The following PDE4B variants were observed in gnomAD, a reference collection of about 807,000 sequenced individuals.
PDE4B encodes the protein phosphodiesterase 4B.
PDE4B carries 20 observed loss-of-function variants against 82.2 expected under a neutral mutation model. The observed-to-expected ratio is 0.24, with a 90% CI of 0.17 to 0.35. The LOEUF is 0.35. Among genes scored for constraint, PDE4B ranks in the 10% least tolerant of loss-of-function variants. PDE4B has a pLI of 1.00. For missense variants in PDE4B, 655 were observed against 907.2 expected (o/e 0.72, Z 3.57); for synonymous variants, 320 against 318.9 (o/e 1.00, Z -0.04).
chr1:66,360,519 T>G (rs1046138205), intron 9 of PDE4B: 3 of 152,198 alleles, frequency 2.0e-5, no homozygotes, highest in Non-Finnish European at 4.4e-5. Flanking sequence ...TCCTACTAAT[T>G]TTCACTGTAA....
intron 3 of PDE4B, among the ~76,000 whole-genome samples, chr1:66,110,447 C>G (rs149548497): frequency 7.5e-4 from 114 of 152,132 alleles, no homozygotes; most frequent in African/African-American, 2.5e-3. Context: ...CAAGTCTTGT[C>G]TGCTACTAAA....
At chr1:66,351,949 T>A (rs927680148) in intron 8 of PDE4B, among the ~76,000 whole-genome samples, 1 of 152,152 alleles carries the variant, frequency 6.6e-6, no homozygotes, top group Non-Finnish European at 1.5e-5. Flanking sequence ...ACTCTACATA[T>A]ACTAGAATGT....
At chr1:66,128,986 G>A (rs987987635) in intron 3 of PDE4B, among the ~76,000 whole-genome samples, 2 of 152,058 alleles carry the variant, frequency 1.3e-5, no homozygotes, top group Non-Finnish European at 2.9e-5. Context: ...ATTTGGTTGG[G>A]GACACAGCCG....
intron 3 of PDE4B, among the ~76,000 whole-genome samples, chr1:65,943,078 G>T (rs1648529583): frequency 6.6e-6 from 1 of 151,726 alleles, no homozygotes. Flanking sequence ...CCTAAAAAAA[G>T]TATTACCCAG....
chr1:66,218,174 G>A (rs570426841), intron 3 of PDE4B, among the ~76,000 whole-genome samples: 4 of 152,072 alleles, frequency 2.6e-5, no homozygotes, highest in Admixed American at 2.0e-4. Context: ...AAGATTCAAT[G>A]CACTCCAAAA....
chr1:65,904,499 A>G (rs1381827374), intron 1 of PDE4B, among the ~76,000 whole-genome samples: 2 of 152,150 alleles, frequency 1.3e-5, no homozygotes, highest in Non-Finnish European at 2.9e-5. Context: ...AGCTGTTCAT[A>G]GGCTCCATAT....
chr1:65,834,693 A>ATGGGAACT (rs1366135609), intron 1 of PDE4B, among the ~76,000 whole-genome samples: 1 of 152,184 alleles, frequency 6.6e-6, no homozygotes, highest in African/African-American at 2.4e-5. Context: ...GCTTATATAT[A>ATGGGAACT]GCCACGTCTT....
At position 66,031,937 on chromosome 1, in the gene PDE4B, G is replaced by C. The variant is rs1418439527; in HGVS notation, c.281+113102G>C. ...TTCCATCCTCTCCGGTGACCCCAGA[G>C]GTAGCTCTTTCAAAGGTTGGGGCTC... On this transcript the variant is annotated intron_variant, in intron 3 of 16. Transcript: ENST00000341517. 3.3e-5 allele frequency among the ~76,000 whole-genome samples: 5 copies of C among 152,252 alleles called. No individual in the cohort carries two copies. The East Asian group carries it at 5.8e-4, about 18-fold the overall frequency.
chr1:66,024,379 A>G (rs928104367), intron 3 of PDE4B, among the ~76,000 whole-genome samples: 3 of 152,042 alleles, frequency 2.0e-5, no homozygotes, highest in Non-Finnish European at 4.4e-5. Context: ...AACTTGCATC[A>G]CTTCTGTGAT....
intron 3 of PDE4B, among the ~76,000 whole-genome samples, chr1:66,021,581 C>T (rs1443020467): frequency 1.3e-5 from 2 of 152,144 alleles, no homozygotes; most frequent in Middle Eastern, 6.3e-3. Flanking sequence ...GGAATCCTTT[C>T]CCCATTTCTT....
chr1:66,169,229 T>C (rs1310341109), intron 3 of PDE4B, among the ~76,000 whole-genome samples: 1 of 152,150 alleles, frequency 6.6e-6, no homozygotes, highest in East Asian at 1.9e-4. Flanking sequence ...GATCAGAGGA[T>C]CTTTGAACCT....
At chr1:66,359,982 A>C (rs1662620987) in intron 9 of PDE4B, among the ~76,000 whole-genome samples, 1 of 152,126 alleles carries the variant, frequency 6.6e-6, no homozygotes, top group Non-Finnish European at 1.5e-5. Context: ...CAAGTTGCTG[A>C]CTTCATCTGA....
intron 3 of PDE4B, among the ~76,000 whole-genome samples, chr1:66,208,544 A>T (rs1278505069): frequency 1.3e-5 from 2 of 152,224 alleles, no homozygotes; most frequent in Non-Finnish European, 2.9e-5. Flanking sequence ...CCTCTTCAGA[A>T]TATTCCCATT....
intron 3 of PDE4B, among the ~76,000 whole-genome samples, chr1:66,164,535 C>CAAAAGAAAAA (rs1646681541): frequency 2.1e-5 from 1 of 48,556 alleles, no homozygotes; most frequent in Non-Finnish European, 3.5e-5. Flanking sequence ...GACTCCGTCT[C>CAAAAGAAAAA]AAAAAAAAAA....
intron 7 of PDE4B, among the ~76,000 whole-genome samples, chr1:66,324,685 G>A (rs1659626384): frequency 6.6e-6 from 1 of 152,074 alleles, no homozygotes; most frequent in African/African-American, 2.4e-5. Flanking sequence ...TCCACCCAGA[G>A]TGAAATCCCT....
chr1:66,245,550 ATTATAT>A (rs1197807894), intron 3 of PDE4B, among the ~76,000 whole-genome samples: 1 of 152,100 alleles, frequency 6.6e-6, no homozygotes, highest in Admixed American at 6.5e-5. Context: ...AAGTCGCTTT[ATTATAT>A]TTTTGCTTGC....
At chr1:66,237,189 A>C (rs1652524590) in intron 3 of PDE4B, among the ~76,000 whole-genome samples, 1 of 152,180 alleles carries the variant, frequency 6.6e-6, no homozygotes, top group Admixed American at 6.5e-5. Flanking sequence ...AACATATTTA[A>C]AATCCAAATG....
At chr1:65,989,527 AAAAT>A (rs1214068466) in intron 3 of PDE4B, among the ~76,000 whole-genome samples, 1 of 152,182 alleles carries the variant, frequency 6.6e-6, no homozygotes, top group African/African-American at 2.4e-5. Flanking sequence ...TGAGTTATAA[AAAAT>A]AAATAAACCT....
chr1:65,829,117 A>G (rs1350706739), intron 1 of PDE4B, among the ~76,000 whole-genome samples: 1 of 152,224 alleles, frequency 6.6e-6, no homozygotes, highest in Non-Finnish European at 1.5e-5. Context: ...GTAAGAGGAT[A>G]TGGAAAGATA....
Sources: gnomAD v4.1 joint callset for allele counts (sites outside exome capture counted in the v4.1 genomes callset) on GRCh38, gnomAD v4.1.1 for gene constraint, MANE v1.5 for transcripts, NCBI Gene and HGNC (gene_info 2026-07-23, HGNC 2026-07-21) for gene names.